The following CYREN variants were observed in gnomAD, a reference collection of about 807,000 sequenced individuals.
The protein encoded by CYREN is cell cycle regulator of NHEJ, also known as cell cycle regulator of non-homologous end joining.
CYREN carries 7 observed loss-of-function variants against 9.7 expected under a neutral mutation model. The observed-to-expected ratio is 0.72, with a 90% CI of 0.41 to 1.36. The LOEUF (loss-of-function observed/expected upper bound fraction) is 1.36. Among genes scored for constraint, CYREN ranks in the 40% most tolerant of loss-of-function variants. The pLI, the probability that CYREN is intolerant of heterozygous loss-of-function variation, is 0.01. For missense variants in CYREN, 215 were observed against 198.1 expected (o/e 1.09, Z -0.51); for synonymous variants, 76 against 77.9 (o/e 0.98, Z 0.13).
intron 2 of CYREN, among the ~76,000 whole-genome samples, chr7:135,160,166 G>C (rs149203353): frequency 1.3e-5 from 2 of 152,326 alleles, no homozygotes; most frequent in Non-Finnish European, 2.9e-5. Context: ...GAAGTGTGCT[G>C]TTCAGAGTGG....
chr7:135,170,331 G>C (rs1442294225), intron 1 of CYREN: 1 of 152,346 alleles, frequency 6.6e-6, no homozygotes, highest in Non-Finnish European at 1.5e-5. Flanking sequence ...CCGCGGGAAC[G>C]CGATGTGCTG....
At chr7:135,158,725 G>A (rs1430634272) in intron 2 of CYREN, among the ~76,000 whole-genome samples, 2 of 152,096 alleles carry the variant, frequency 1.3e-5, no homozygotes, top group African/African-American at 4.8e-5. Flanking sequence ...GGGGAGGGGT[G>A]TCTACTCACA....
chr7:135,137,079 G>T (rs574196578), intron 2 of CYREN, among the ~76,000 whole-genome samples: 1 of 152,130 alleles, frequency 6.6e-6, no homozygotes, highest in East Asian at 1.9e-4. Flanking sequence ...CAACTCAACT[G>T]CTGCCTTCTC....
chr7:135,129,036 G>A (rs1828351244), intron 2 of CYREN: 8 of 1,608,692 alleles, frequency 5.0e-6, no homozygotes, highest in Non-Finnish European at 6.8e-6. Context: ...CCAGATCAGA[G>A]ATGGCCAGGT....
At chr7:135,128,590 C>T (rs1365742704) in intron 2 of CYREN, 9 of 770,594 alleles carry the variant, frequency 1.2e-5, no homozygotes, top group Non-Finnish European at 1.9e-5. Context: ...TGTTTGTGAG[C>T]GCTATCTGCT....
At chr7:135,144,048 C>T (rs181864916) in intron 2 of CYREN, among the ~76,000 whole-genome samples, 15 of 152,298 alleles carry the variant, frequency 9.8e-5, no homozygotes, top group African/African-American at 3.4e-4. Flanking sequence ...TCTCATCTCC[C>T]TACCGCTGTG....
At chr7:135,131,829 T>G (rs1383181509) in intron 2 of CYREN, among the ~76,000 whole-genome samples, 1 of 151,938 alleles carries the variant, frequency 6.6e-6, no homozygotes, top group Non-Finnish European at 1.5e-5. Flanking sequence ...AAAAAAGACA[T>G]AAATTACTAA....
intron 2 of CYREN, chr7:135,148,377 G>C: frequency 9.3e-6 from 3 of 321,530 alleles, no homozygotes; most frequent in South Asian, 5.2e-5. Flanking sequence ...TCCACATAGG[G>C]GAACTCACTG....
chr7:135,159,527 A>C (rs1343621961), intron 2 of CYREN, among the ~76,000 whole-genome samples: 1 of 152,190 alleles, frequency 6.6e-6, no homozygotes, highest in African/African-American at 2.4e-5. Flanking sequence ...CTCCCTCCTA[A>C]GGCCCTGCTC....
chr7:135,131,941 T>C (rs1828835867), intron 2 of CYREN, among the ~76,000 whole-genome samples: 1 of 152,100 alleles, frequency 6.6e-6, no homozygotes, highest in African/African-American at 2.4e-5. Context: ...AATGGATTAT[T>C]TCCTCAATAA....
chr7:135,167,154 T>C, intron 3 of CYREN: 1 of 985,346 alleles, frequency 1.0e-6, no homozygotes, highest in Non-Finnish European at 1.2e-6. Flanking sequence ...GAAACATGTC[T>C]AGAAAGGCCG....
chr7:135,141,113 G>T (rs1829445322), intron 2 of CYREN, among the ~76,000 whole-genome samples: 1 of 151,928 alleles, frequency 6.6e-6, no homozygotes, highest in Admixed American at 6.6e-5. Context: ...GATTTTTTGG[G>T]ATAGTTTCAG....
chr7:135,095,833 G>T (rs11982197), intron 2 of CYREN, among the ~76,000 whole-genome samples: 73,699 of 151,976 alleles, frequency 0.48, 18,234 homozygotes, highest in South Asian at 0.66. Context: ...TGCAACTTAA[G>T]TGTGTTGCAA....
chr7:135,171,496 C>T (rs1830654033), upstream of CYREN, among the ~76,000 whole-genome samples: 1 of 150,652 alleles, frequency 6.6e-6, no homozygotes. Context: ...AAACTCCCTG[C>T]CCTGTTCTGT....
intron 2 of CYREN, among the ~76,000 whole-genome samples, chr7:135,106,168 T>G (rs1443437931): frequency 6.6e-6 from 1 of 152,196 alleles, no homozygotes; most frequent in East Asian, 1.9e-4. Flanking sequence ...TCATGTTGTC[T>G]GCAAACAGGC....
At chr7:135,157,748 C>T (rs1829830105) in intron 2 of CYREN, among the ~76,000 whole-genome samples, 1 of 152,232 alleles carries the variant, frequency 6.6e-6, no homozygotes, top group Non-Finnish European at 1.5e-5. Flanking sequence ...TCACAGCCAC[C>T]TGTAGCAGGG....
At chr7:135,115,839 T>TA in intron 2 of CYREN, 1 of 449,500 alleles carries the variant, frequency 2.2e-6, no homozygotes, top group Non-Finnish European at 4.0e-6. Flanking sequence ...AAACTACTCA[T>TA]TAATTTAGAT....
At chr7:135,164,902 T>C (rs1253019178), downstream of CYREN, 3 of 1,614,260 alleles carry the variant, frequency 1.9e-6, no homozygotes, top group Non-Finnish European at 2.5e-6. Flanking sequence ...TTTCTAGCTC[T>C]GGGCAGCGCC....
At chr7:135,115,726 G>A (rs2117187507) in intron 2 of CYREN, 1 of 833,310 alleles carries the variant, frequency 1.2e-6, no homozygotes, top group Non-Finnish European at 1.8e-6. Flanking sequence ...AATGATGTCA[G>A]CTCCATCACA....
Sources: allele counts gnomAD v4.1 joint callset (sites outside exome capture counted in the v4.1 genomes callset), GRCh38; gene constraint gnomAD v4.1.1; transcripts MANE v1.5; gene names NCBI Gene and HGNC (gene_info 2026-07-23, HGNC 2026-07-21).